The following SLC7A7 variants were observed in gnomAD, a reference collection of about 807,000 sequenced individuals.
The protein encoded by SLC7A7 is Y+L amino acid transporter 1.
A neutral mutation model predicts 47.9 loss-of-function variants in SLC7A7; 39 were observed. The ratio of observed to expected loss-of-function variants is 0.81; its 90% CI spans 0.63 to 1.06. SLC7A7 has a LOEUF of 1.06. Ranked by LOEUF, SLC7A7 falls within the 50% of genes least tolerant of loss-of-function variation. The probability of loss-of-function intolerance (pLI) is 0.00; values close to 1 mark genes in which losing one functional copy is unlikely to be tolerated. For missense variants in SLC7A7, 588 were observed against 632.0 expected, an observed-to-expected ratio of 0.93 and a Z score of 0.75; for synonymous variants, 234 against 242.8, an observed-to-expected ratio of 0.96 and a Z score of 0.34.
rs760963199 is a variant in SLC7A7 at position 22,773,697 on chromosome 14, G to A, written c.1449C>T (p.Leu483=). The A allele has an allele frequency of 1.1e-5, 17 of 1,614,178 alleles. No individual in the cohort carries two copies. The highest frequency in any genetic ancestry group is 1.4e-5 in the Non-Finnish European group (16 of 1,180,042). ...CAGCAACTGACATACACAGGACCTG[G>A]AGGTACCTTGTGGCAGACCCTACAA... ...RRIVGSATRY[L]QVLCMSVAAE... Residue 483 remains leucine, a synonymous_variant, in exon 10 of 10, where the codon CTC becomes CTT. Coordinates refer to ENST00000674313, the MANE Select transcript of SLC7A7 (RefSeq NM_003982.4).
Position 22,813,019 on chromosome 14 carries a change from A to G in SLC7A7, c.380T>C (p.Ile127Thr), listed in dbSNP as rs764284986. The G allele has an allele frequency of 2.7e-5, 44 of 1,613,978 alleles. No homozygotes were observed. Among genetic ancestry groups the G allele is most frequent in the South Asian group, 5.5e-5 (5 of 91,084 alleles). ...FIRLWTSLLIIEPTSQAIIAI... is the reference protein window; with the variant it reads ...FIRLWTSLLITEPTSQAIIAI... ...AATGATGGCCTGGCTGGTGGGCTCA[A>G]TGATGAGCAGGGAGGTCCAGAGTCT... Residue 127 changes from isoleucine to threonine, a missense_variant, in exon 2 of 10, where the codon ATT (isoleucine) becomes ACT (threonine). Transcript: ENST00000674313.
chr14:22,806,306 C>T (rs1293440469), intron 2 of SLC7A7, among the ~76,000 whole-genome samples: 2 of 148,140 alleles, frequency 1.4e-5, no homozygotes, highest in African/African-American at 5.0e-5. Flanking sequence ...AGCGATTCTC[C>T]TGCCTCAGCC....
Position 22,808,076 on chromosome 14 carries a change from C to A in SLC7A7, c.499+4824G>T, listed in dbSNP as rs183590600. 6.1e-4 allele frequency among the ~76,000 whole-genome samples: 93 copies of A among 151,856 alleles called. 1 individual carries two copies. In the Middle Eastern group the frequency reaches 0.014, roughly 22 times the overall value. On this transcript the variant is annotated intron_variant, in intron 2 of 9. Transcript: ENST00000674313. The stretch of plus-strand genomic sequence containing the variant: ...GCTCAGGAGGCTGGGGCAGGAGAAT[C>A]GCTTAACTTGGGACATGGAGGTTGC...
intron 3 of SLC7A7, 28 bp from the exon 4 acceptor site, chr14:22,778,965 G>A: frequency 6.2e-7 from 1 of 1,612,852 alleles, no homozygotes; most frequent in South Asian, 1.1e-5. Context: ...TGGAAGGCAG[G>A]GGATTAGTGG....
intron 4 of SLC7A7, among the ~76,000 whole-genome samples, chr14:22,777,142 TAAAAAAAAA>T (rs35326556): frequency 1.6e-4 from 10 of 64,146 alleles, no homozygotes; most frequent in Admixed American, 4.2e-4. Context: ...AGACCCTGTC[TAAAAAAAAA>T]AAAAAAAAAA....
At chr14:22,806,990 C>T (rs764813684) in intron 2 of SLC7A7, among the ~76,000 whole-genome samples, 7 of 151,816 alleles carry the variant, frequency 4.6e-5, no homozygotes, top group East Asian at 1.9e-4. Context: ...CTCCGCTTCC[C>T]GGGTTCATGC....
At position 22,776,225 on chromosome 14, in the gene SLC7A7, T is replaced by C. The variant is rs1304389598; in HGVS notation, c.864A>G (p.Arg288=). Residue 288 remains arginine (R), a synonymous_variant, in exon 5 of 10, where the codon AGA becomes AGG. Transcript: ENST00000674313. ...NVAYYTVLDM[R]DILASDAVAV... ...CAACAGCATCACTGGCCAAGATGTCTCTCATGTCTAGCACAGTATAATAGG... is the reference window on the plus strand; with the variant it reads ...CAACAGCATCACTGGCCAAGATGTCCCTCATGTCTAGCACAGTATAATAGG... 5.6e-6 allele frequency: 9 copies of C among 1,614,184 alleles called. No individual in the cohort carries two copies. The highest frequency in any genetic ancestry group is 7.6e-6 in the Non-Finnish European group (9 of 1,180,026).
At chr14:22,814,381 G>A (rs946360728) in intron 1 of SLC7A7, among the ~76,000 whole-genome samples, 9 of 151,944 alleles carry the variant, frequency 5.9e-5, no homozygotes, top group African/African-American at 2.2e-4. Context: ...CTGCTTGGGA[G>A]GCTGAGGCAG....
intron 2 of SLC7A7, among the ~76,000 whole-genome samples, chr14:22,785,868 A>T (rs1355543517): frequency 6.6e-6 from 1 of 151,860 alleles, no homozygotes; most frequent in East Asian, 1.9e-4. Flanking sequence ...TAAAAATACA[A>T]AAAATTAGCC....
intron 2 of SLC7A7, among the ~76,000 whole-genome samples, chr14:22,792,607 A>G (rs2038942015): frequency 6.6e-6 from 1 of 152,096 alleles, no homozygotes; most frequent in East Asian, 1.9e-4. Context: ...CTGTAATCCC[A>G]GCATTTTGGG....
At chr14:22,795,081 T>C (rs1440977530) in intron 2 of SLC7A7, among the ~76,000 whole-genome samples, 10 of 55,322 alleles carry the variant, frequency 1.8e-4, no homozygotes, top group East Asian at 4.6e-4. Flanking sequence ...TCTTTCTTTT[T>C]TTTTTTTTTT....
Position 22,775,877 on chromosome 14 carries a change from T to A in SLC7A7, c.954A>T (p.Leu318Phe), listed in dbSNP as rs201534081. The change falls in exon 6 of 10, where the codon TTA becomes TTT. Residue 318 changes from leucine to phenylalanine, a missense_variant. Physicochemically the swap from Leu to Phe is conservative, Grantham distance 22. Coordinates refer to ENST00000674313, the MANE Select transcript of SLC7A7 (RefSeq NM_003982.4). ...FNWIIPLSVA[L>F]SCFGGLNASI... ...AGGCATTGAGGCCACCAAAACAGGA[T>A]AATGCAACTGACAGTGGAATTATCC... The A allele has an allele frequency of 2.0e-4, 327 of 1,614,134 alleles. No individual in the cohort carries two copies. The highest frequency in any genetic ancestry group is 4.5e-4 in the Admixed American group (27 of 60,014).
At chr14:22,783,404 CTTTTTT>C (rs869031856) in intron 2 of SLC7A7, among the ~76,000 whole-genome samples, 1 of 137,408 alleles carries the variant, frequency 7.3e-6, no homozygotes, top group East Asian at 2.1e-4. Flanking sequence ...TTCTCTACTT[CTTTTTT>C]TTTTTTTTTC....
chr14:22,818,349 G>C (rs1264826258), upstream of SLC7A7, among the ~76,000 whole-genome samples: 2 of 152,148 alleles, frequency 1.3e-5, no homozygotes, highest in South Asian at 4.1e-4. Context: ...CTGCCCGTGC[G>C]CACTAGGCAA....
upstream of SLC7A7, among the ~76,000 whole-genome samples, chr14:22,818,049 T>C (rs886639027): frequency 6.6e-6 from 1 of 151,210 alleles, no homozygotes; most frequent in Non-Finnish European, 1.5e-5. Context: ...AAACACATCA[T>C]CACGCCTGCC....
Position 22,776,237 on chromosome 14 carries a change from C to T in SLC7A7, c.852G>A (p.Val284=), listed in dbSNP as rs1351778419. The T allele has an allele frequency of 1.2e-6, 2 of 1,614,064 alleles. No individual in the cohort carries two copies. The highest frequency in any genetic ancestry group is 2.2e-5 in the East Asian group (1 of 44,904). ...TGGCCAAGATGTCTCTCATGTCTAG[C>T]ACAGTATAATAGGCCACATTGGTCA... ...YILTNVAYYT[V]LDMRDILASD... The change falls in exon 5 of 10, where the codon GTG becomes GTA. Residue 284 remains valine, a synonymous_variant. Transcript: ENST00000674313.
intron 3 of SLC7A7, 97 bp downstream of exon 3, chr14:22,779,829 T>C (rs2038683965): frequency 1.8e-6 from 2 of 1,122,468 alleles, no homozygotes; most frequent in Non-Finnish European, 2.7e-6. Context: ...AATAAGGTTA[T>C]AGTAAGAAAT....
chr14:22,791,456 T>C lies in SLC7A7; in HGVS notation c.500-11405A>G, dbSNP rs563095964. On this transcript the variant is annotated intron_variant, in intron 2 of 9. Coordinates refer to ENST00000674313, the MANE Select transcript of SLC7A7 (RefSeq NM_003982.4). Reference sequence around the variant, plus strand: ...TGAGACATCTCAGCTATCTTCTGACTGGTGACATCATTCATCCCACAGCAA... The same window carrying C: ...TGAGACATCTCAGCTATCTTCTGACCGGTGACATCATTCATCCCACAGCAA... Among the ~76,000 whole-genome samples the C allele has an allele frequency of 3.7e-4, 57 of 152,314 alleles. 2 individuals carry two copies. In the South Asian group the frequency reaches 8.7e-3, roughly 23 times the overall value.
intron 2 of SLC7A7, among the ~76,000 whole-genome samples, chr14:22,797,872 C>A (rs544420717): frequency 6.6e-6 from 1 of 152,262 alleles, no homozygotes; most frequent in African/African-American, 2.4e-5. Context: ...CAAAAGACTG[C>A]AAACAACTGG....
Sources: gnomAD v4.1 joint callset for allele counts (sites outside exome capture counted in the v4.1 genomes callset) on GRCh38, gnomAD v4.1.1 for gene constraint, MANE v1.5 for transcripts, NCBI Gene and HGNC (gene_info 2026-07-23, HGNC 2026-07-21) for gene names.